TESK2: variants seen among roughly 807,000 people sequenced by gnomAD.
TESK2 encodes the protein dual specificity testis-specific protein kinase 2.
TESK2 carries 39 observed loss-of-function variants against 57.1 expected under a neutral mutation model. The observed-to-expected ratio is 0.68, with a 90% CI of 0.53 to 0.89. TESK2 has a LOEUF of 0.89. Among genes scored for constraint, TESK2 ranks in the 40% least tolerant of loss-of-function variants. The pLI is 0.00. For synonymous variants in TESK2, 249 were observed against 267.9 expected (o/e 0.93, Z 0.69); for missense variants, 646 against 732.1 (o/e 0.88, Z 1.36).
chr1:45,467,614 G>A (rs1652605935), intron 1 of TESK2, among the ~76,000 whole-genome samples: 2 of 149,780 alleles, frequency 1.3e-5, no homozygotes, highest in East Asian at 2.0e-4. Context: ...ACAGGCATGA[G>A]CCACTGTGCT....
intron 3 of TESK2, among the ~76,000 whole-genome samples, chr1:45,388,520 T>C (rs543576229): frequency 3.9e-5 from 6 of 152,276 alleles, no homozygotes; most frequent in African/African-American, 1.4e-4. Context: ...AGATATGGTA[T>C]TATCTATGGC....
At chr1:45,439,310 C>T (rs1033873195) in intron 2 of TESK2, among the ~76,000 whole-genome samples, 1 of 152,102 alleles carries the variant, frequency 6.6e-6, no homozygotes, top group Non-Finnish European at 1.5e-5. Flanking sequence ...CAGATACTAG[C>T]TCTTTTAGTT....
chr1:45,366,723 T>A, intron 4 of TESK2, among the ~76,000 whole-genome samples: 1 of 152,150 alleles, frequency 6.6e-6, no homozygotes, highest in East Asian at 1.9e-4. Context: ...GGTTTTAAGT[T>A]CCCTCTTTTA....
At chr1:45,394,639 T>A (rs1649281582) in intron 3 of TESK2, among the ~76,000 whole-genome samples, 1 of 135,452 alleles carries the variant, frequency 7.4e-6, no homozygotes, top group Non-Finnish European at 1.6e-5. Context: ...CAAATGACTG[T>A]TTATCACTGC....
At chr1:45,455,947 C>A (rs541665381) in intron 2 of TESK2, among the ~76,000 whole-genome samples, 1 of 152,054 alleles carries the variant, frequency 6.6e-6, no homozygotes, top group South Asian at 2.1e-4. Context: ...AATCCCAACA[C>A]TTTGGGAGGC....
chr1:45,343,955 G>C lies in TESK2; in HGVS notation c.*885C>G. On this transcript the variant is annotated 3_prime_UTR_variant, in exon 11 of 11. Transcript: ENST00000372086. The surrounding 1 kb of genome is among the most constrained non-coding windows in gnomAD (Gnocchi z 4.3). ...AGTTTTACAAAAAAAAAAATCAACAGAAGCAAGTTATGAAAATATTTGACC... is the reference window on the plus strand; with the variant it reads ...AGTTTTACAAAAAAAAAAATCAACACAAGCAAGTTATGAAAATATTTGACC... 1 of 420,826 alleles carries C rather than the reference G, an allele frequency of 2.4e-6. No homozygotes were observed. The allele number at this position is 420,826 out of a possible 1,614,324, so 26.1% of individuals were successfully genotyped here.
rs34109075 is a variant in TESK2, at chr1:45,388,717, C to CTTTTTT, written c.345-2763_345-2758dup. Among the ~76,000 whole-genome samples, 15 of 102,746 alleles carry CTTTTTT rather than the reference C, an allele frequency of 1.5e-4. 1 individual carries two copies. Among genetic ancestry groups the CTTTTTT allele is most frequent in the African/African-American group, 2.1e-4 (6 of 28,026 alleles). The allele number at this position is 102,746 out of a possible 152,430, so 67.4% of individuals were successfully genotyped here. On this transcript the variant is annotated intron_variant, in intron 3 of 10. Coordinates refer to ENST00000372086, the MANE Select transcript of TESK2 (RefSeq NM_007170.3). ...AACGTGGCAGTATTGAGAGGTACGGCTTTTTTTTTTTTTTTTTTTTTGAGA... is the reference window on the plus strand; with the variant it reads ...AACGTGGCAGTATTGAGAGGTACGGCTTTTTTTTTTTTTTTTTTTTTTTTTTTGAGA...
chr1:45,434,775 A>T (rs1651126959), intron 2 of TESK2, among the ~76,000 whole-genome samples: 1 of 151,526 alleles, frequency 6.6e-6, no homozygotes, highest in Non-Finnish European at 1.5e-5. Flanking sequence ...GTTTACGAGT[A>T]TTTCCTCCCA....
chr1:45,465,993 CACA>C (rs1652535621), intron 1 of TESK2, among the ~76,000 whole-genome samples: 1 of 152,032 alleles, frequency 6.6e-6, no homozygotes, highest in Non-Finnish European at 1.5e-5. Flanking sequence ...AAAAAAATTG[CACA>C]ACCACCCCAC....
chr1:45,415,135 C>A, intron 3 of TESK2: 4 of 1,501,338 alleles, frequency 2.7e-6, no homozygotes, highest in Middle Eastern at 3.5e-4. Context: ...AACTTTTGTG[C>A]TCTGACCACT....
rs1254731628 is a variant in TESK2, at chr1:45,345,336, T to C, written c.1220A>G (p.Asp407Gly). ...PKVNPFSARQ[D>G]LMGGKIKFFD... is the part of the protein sequence containing the mutation. ...AAACTTGATCTTGCCCCCCATGAGG[T>C]CCTGGCGAGCACTAAAAGGGTTGAC... The change falls in exon 11 of 11, where the codon GAC becomes GGC. Residue 407 changes from aspartate (D) to glycine (G), a missense_variant. By Grantham distance (94) the Asp-to-Gly change is moderately conservative. Coordinates refer to ENST00000372086, the MANE Select transcript of TESK2 (RefSeq NM_007170.3). The C allele has an allele frequency of 6.2e-7, 1 of 1,613,918 alleles. No individual in the cohort carries two copies. Among genetic ancestry groups the C allele is most frequent in the Admixed American group, 1.7e-5 (1 of 59,960 alleles).
intron 4 of TESK2, among the ~76,000 whole-genome samples, chr1:45,375,300 C>T (rs2149271281): frequency 6.6e-6 from 1 of 152,242 alleles, no homozygotes; most frequent in African/African-American, 2.4e-5. Flanking sequence ...CTCTCCACTG[C>T]AGTCACATCA....
Position 45,350,876 on chromosome 1 carries a change from C to T in TESK2, c.541-2876G>A, listed in dbSNP as rs541428931. 5.3e-5 allele frequency among the ~76,000 whole-genome samples: 8 copies of T among 152,320 alleles called. No individual in the cohort carries two copies. In the South Asian group the frequency reaches 1.5e-3, roughly 28 times the overall value. On this transcript the variant is annotated intron_variant, in intron 5 of 10. Coordinates refer to ENST00000372086, the MANE Select transcript of TESK2 (RefSeq NM_007170.3). ...AATTATAAAAATTAACTTTAGGGTA[C>T]ACTAACAGTCATTCTCTACATCCCT...
rs561942512 is a variant in TESK2 at position 45,423,884 on chromosome 1, T to G, written c.223-2038A>C. ...TACTTGAGAAAGATTGTTTTCACCCTGTAAATGTGGTCTCATTGGTAGCAA... is the reference window on the plus strand; with the variant it reads ...TACTTGAGAAAGATTGTTTTCACCCGGTAAATGTGGTCTCATTGGTAGCAA... On this transcript the variant is annotated intron_variant, in intron 2 of 10. Transcript: ENST00000372086. Among the ~76,000 whole-genome samples, 3 of 152,350 alleles carry G rather than the reference T, an allele frequency of 2.0e-5. No individual in the cohort carries two copies. In the East Asian group the frequency reaches 5.8e-4, roughly 29 times the overall value.
chr1:45,432,467 A>G lies in TESK2; in HGVS notation c.223-10621T>C, dbSNP rs544597739. Among the ~76,000 whole-genome samples, 24 of 151,802 alleles carry G rather than the reference A, an allele frequency of 1.6e-4. No homozygotes were observed. In the East Asian group the frequency reaches 2.8e-3, roughly 18 times the overall value. On this transcript the variant is annotated intron_variant, in intron 2 of 10. Transcript: ENST00000372086. ...AGCACTTTTGGAGGCCGAGGCGGGC[A>G]GATCACAAGGTCAGGAGATCAAGAC...
At chr1:45,429,987 TACACTTATTCTATTTTAGGAA>T (rs1298767266) in intron 2 of TESK2, among the ~76,000 whole-genome samples, 24 of 152,120 alleles carry the variant, frequency 1.6e-4, no homozygotes, top group African/African-American at 5.5e-4. Context: ...AGCTCATTGG[TACACTTATTCTATTTTAGGAA>T]ATGAAGAGTT....
intron 2 of TESK2, among the ~76,000 whole-genome samples, chr1:45,449,467 CA>C (rs143982867): frequency 0.024 from 3,678 of 152,120 alleles, 148 homozygotes; most frequent in African/African-American, 0.085. Flanking sequence ...AATAGGTGAG[CA>C]GATAAGCTGT....
At chr1:45,471,102 G>A (rs1652746634) in intron 1 of TESK2, among the ~76,000 whole-genome samples, 1 of 151,958 alleles carries the variant, frequency 6.6e-6, no homozygotes, top group African/African-American at 2.4e-5. Flanking sequence ...ATGGTGACGT[G>A]CACCTATAGT....
intron 3 of TESK2, among the ~76,000 whole-genome samples, chr1:45,391,504 G>C (rs2487442): frequency 0.65 from 98,311 of 151,962 alleles, 33,541 homozygotes; most frequent in Non-Finnish European, 0.75. Flanking sequence ...TTCTCACTAT[G>C]GAAGATTCAG....
Sources: allele counts gnomAD v4.1 joint callset (sites outside exome capture counted in the v4.1 genomes callset), GRCh38; gene constraint gnomAD v4.1.1; non-coding constraint Gnocchi (gnomAD v3.1); transcripts MANE v1.5; gene names NCBI Gene and HGNC (gene_info 2026-07-23, HGNC 2026-07-21).